The following UGGT2 variants were observed in gnomAD, a reference collection of about 807,000 sequenced individuals.
The protein encoded by UGGT2 is UDP-glucose glycoprotein glucosyltransferase 2, also known as UDP-glucose:glycoprotein glucosyltransferase 2.
In UGGT2, 180 loss-of-function variants were observed where a neutral mutation model predicts 192.1. The observed-to-expected ratio is 0.94, with a 90% CI of 0.83 to 1.06. UGGT2 has a LOEUF of 1.06. Ranked by LOEUF, UGGT2 falls within the 50% of genes least tolerant of loss-of-function variation. The pLI, the probability that UGGT2 is intolerant of heterozygous loss-of-function variation, is 0.00. For missense variants in UGGT2, 1,849 were observed against 1,795.7 expected (o/e 1.03, Z -0.54); for synonymous variants, 580 against 591.0 (o/e 0.98, Z 0.27).
intron 15 of UGGT2, among the ~76,000 whole-genome samples, chr13:95,941,853 T>C (rs1260762573): frequency 6.6e-6 from 1 of 152,194 alleles, no homozygotes; most frequent in East Asian, 1.9e-4. Flanking sequence ...AAGTACAACT[T>C]CTCTCCCAAT....
intron 29 of UGGT2, among the ~76,000 whole-genome samples, chr13:95,868,359 G>A (rs114964479): frequency 0.013 from 1,969 of 152,232 alleles, 41 homozygotes; most frequent in African/African-American, 0.046. Flanking sequence ...ACTTTGGGAG[G>A]CTGGGGTGGG....
intron 20 of UGGT2, among the ~76,000 whole-genome samples, chr13:95,909,560 C>T (rs1342983379): frequency 8.0e-6 from 1 of 124,732 alleles, no homozygotes; most frequent in African/African-American, 3.1e-5. Context: ...AATGAGATCA[C>T]GTGGACACAG....
intron 12 of UGGT2, among the ~76,000 whole-genome samples, chr13:95,953,980 A>G (rs2050141582): frequency 6.6e-6 from 1 of 152,176 alleles, no homozygotes; most frequent in Non-Finnish European, 1.5e-5. Context: ...GAGATAAGTC[A>G]AATATACTAC....
rs1271537277 is a variant in UGGT2, at chr13:96,024,052, A to AT, written c.242-294dup. On this transcript the variant is annotated intron_variant, in intron 2 of 38. Coordinates refer to ENST00000376747, the MANE Select transcript of UGGT2 (RefSeq NM_020121.4). The stretch of plus-strand genomic sequence containing the variant: ...CAACTTACTCCAAAGTTGTGGGGTT[A>AT]TATTACAAGGATAAGATATAAGTCC... 9.8e-5 allele frequency among the ~76,000 whole-genome samples: 15 copies of AT among 152,380 alleles called. No homozygotes were observed. In the East Asian group the frequency reaches 2.5e-3, roughly 25 times the overall value.
chr13:95,829,170 CA>C (rs1432794956), intron 38 of UGGT2, among the ~76,000 whole-genome samples: 1 of 152,108 alleles, frequency 6.6e-6, no homozygotes, highest in African/African-American at 2.4e-5. Flanking sequence ...GGACGTATCT[CA>C]AAATAATAAG....
chr13:96,008,393 A>G lies in UGGT2; in HGVS notation c.660+4914T>C, dbSNP rs554496425. ...AAGTCCTGGCCAGAGCAACCAGGCAAGAGAAAGAAATAAAAGGCATCCAAA... is the reference window on the plus strand; with the variant it reads ...AAGTCCTGGCCAGAGCAACCAGGCAGGAGAAAGAAATAAAAGGCATCCAAA... On this transcript the variant is annotated intron_variant, in intron 5 of 38. Coordinates refer to ENST00000376747, the MANE Select transcript of UGGT2 (RefSeq NM_020121.4). Among the ~76,000 whole-genome samples the G allele has an allele frequency of 1.2e-3, 189 of 152,308 alleles. 2 individuals carry two copies. The highest frequency in any genetic ancestry group is 4.4e-3 in the African/African-American group (184 of 41,574).
chr13:95,814,626 CATG>C (rs1884732204), intron 38 of UGGT2, among the ~76,000 whole-genome samples: 2 of 152,280 alleles, frequency 1.3e-5, no homozygotes, highest in African/African-American at 4.8e-5. Context: ...AAAATACAAT[CATG>C]CCTTCCCAAT....
chr13:96,014,121 A>G (rs897867522), intron 4 of UGGT2, among the ~76,000 whole-genome samples: 12 of 152,202 alleles, frequency 7.9e-5, no homozygotes, highest in African/African-American at 2.4e-4. Flanking sequence ...GGAAAAGATC[A>G]AATGGAAAGC....
chr13:95,871,322 G>A (rs1294496973), intron 29 of UGGT2, among the ~76,000 whole-genome samples: 1 of 152,112 alleles, frequency 6.6e-6, no homozygotes, highest in Admixed American at 6.6e-5. Flanking sequence ...GCCCCTCAGA[G>A]AGATAAAGCA....
chr13:95,867,542 A>C, intron 29 of UGGT2, 119 bp from the exon 30 acceptor site: 5 of 677,328 alleles, frequency 7.4e-6, no homozygotes, highest in Non-Finnish European at 1.2e-5. Flanking sequence ...TGCATATATC[A>C]TGTTTTTCTG....
chr13:95,924,538 T>C (rs2048959828), intron 20 of UGGT2, among the ~76,000 whole-genome samples: 2 of 151,850 alleles, frequency 1.3e-5, no homozygotes, highest in African/African-American at 2.4e-5. Context: ...ACGTGGTAGC[T>C]AGTCTCCAAG....
chr13:96,048,713 C>T (rs950335283), intron 1 of UGGT2, among the ~76,000 whole-genome samples: 10 of 152,106 alleles, frequency 6.6e-5, no homozygotes, highest in Admixed American at 2.0e-4. Context: ...AACACCTCTA[C>T]GCAAATAAAC....
At chr13:95,935,895 T>C (rs551949674) in intron 17 of UGGT2, among the ~76,000 whole-genome samples, 76 of 152,290 alleles carry the variant, frequency 5.0e-4, no homozygotes, top group Non-Finnish European at 9.7e-4. Flanking sequence ...GGCATGATCA[T>C]GACTTACTGC....
intron 30 of UGGT2, among the ~76,000 whole-genome samples, chr13:95,864,354 T>C (rs1382101883): frequency 6.6e-6 from 1 of 152,178 alleles, no homozygotes; most frequent in Non-Finnish European, 1.5e-5. Context: ...GCTATGGTGA[T>C]TCTAAAACTT....
intron 36 of UGGT2, among the ~76,000 whole-genome samples, chr13:95,844,604 C>G (rs3099363): frequency 6.6e-6 from 1 of 152,062 alleles, no homozygotes; most frequent in African/African-American, 2.4e-5. Flanking sequence ...TGCTAGTATA[C>G]AGAATTGGAT....
intron 15 of UGGT2, among the ~76,000 whole-genome samples, chr13:95,941,201 C>T (rs560099699): frequency 2.0e-5 from 3 of 152,292 alleles, no homozygotes; most frequent in Admixed American, 1.3e-4. Context: ...CACTATTAAG[C>T]AGCATTTGAT....
intron 20 of UGGT2, among the ~76,000 whole-genome samples, chr13:95,907,734 A>G (rs560761391): frequency 1.3e-5 from 2 of 152,196 alleles, no homozygotes; most frequent in African/African-American, 2.4e-5. Context: ...CCAAAACCAC[A>G]TCTGTAGGTC....
intron 29 of UGGT2, among the ~76,000 whole-genome samples, chr13:95,872,151 C>A (rs1193341301): frequency 1.3e-5 from 2 of 152,140 alleles, no homozygotes; most frequent in African/African-American, 4.8e-5. Context: ...TTAGGAAAAT[C>A]TGAGCAGCAT....
Position 95,928,667 on chromosome 13 carries a change from T to C in UGGT2, c.1978-1331A>G, listed in dbSNP as rs1432611720. Among the ~76,000 whole-genome samples the C allele has an allele frequency of 4.0e-5, 6 of 150,206 alleles. No individual in the cohort carries two copies. In the East Asian group the frequency reaches 1.0e-3, roughly 25 times the overall value. On this transcript the variant is annotated intron_variant, in intron 17 of 38. Coordinates refer to ENST00000376747, the MANE Select transcript of UGGT2 (RefSeq NM_020121.4). ...CCGGGCAGAGACGCTCCTCACTTCCTAGACGGGATGACGGCCGGGAAGAGG... is the reference window on the plus strand; with the variant it reads ...CCGGGCAGAGACGCTCCTCACTTCCCAGACGGGATGACGGCCGGGAAGAGG...
Sources: allele counts gnomAD v4.1 joint callset (sites outside exome capture counted in the v4.1 genomes callset), GRCh38; gene constraint gnomAD v4.1.1; transcripts MANE v1.5; gene names NCBI Gene and HGNC (gene_info 2026-07-23, HGNC 2026-07-21).